SLC3A2: variants seen among roughly 807,000 people sequenced by gnomAD.
The protein encoded by SLC3A2 is solute carrier family 3 member 2, also known as amino acid transporter heavy chain SLC3A2.
Under a neutral mutation model 48.5 loss-of-function variants are expected in SLC3A2, and 32 were observed. That is an observed-to-expected ratio of 0.66 (90% CI 0.50 to 0.89). The LOEUF (loss-of-function observed/expected upper bound fraction) is 0.89, where lower values mean the gene tolerates loss of function less well. Among genes scored for constraint, SLC3A2 ranks in the 40% least tolerant of loss-of-function variants. SLC3A2 has a pLI of 0.00. For missense variants in SLC3A2, 587 were observed against 680.7 expected (o/e 0.86, Z 1.53); for synonymous variants, 277 against 288.8 (o/e 0.96, Z 0.41).
chr11:62,882,230 G>C, intron 2 of SLC3A2, 164 bp downstream of exon 2: 1 of 773,892 alleles, frequency 1.3e-6, no homozygotes, highest in East Asian at 2.7e-5. Context: ...TTGTCCAGTC[G>C]TCTGGGGGCT....
chr11:62,888,580 G>A lies in SLC3A2; in HGVS notation c.1477G>A (p.Asp493Asn), dbSNP rs574427142. The change falls in exon 9 of 9, where the codon GAC (aspartate) becomes AAC (asparagine). Residue 493 changes from aspartate to asparagine, a missense_variant. By Grantham distance (23) the Asp-to-Asn change is conservative. Coordinates refer to ENST00000338663, the MANE Select transcript of SLC3A2 (RefSeq NM_001013251.3). ...PASASLPAKA[D>N]LLLSTQPGRE... is the part of the protein sequence containing the mutation. ...CAGCGCCAGCCTGCCAGCCAAGGCTGACCTCCTGCTCAGCACCCAGCCAGG... is the reference window on the plus strand; with the variant it reads ...CAGCGCCAGCCTGCCAGCCAAGGCTAACCTCCTGCTCAGCACCCAGCCAGG... The A allele has an allele frequency of 1.4e-4, 223 of 1,613,750 alleles. 3 individuals are homozygous for A. In the South Asian group the frequency reaches 2.3e-3, roughly 17 times the overall value.
At chr11:62,858,465 C>T (rs1323016141) in intron 1 of SLC3A2, among the ~76,000 whole-genome samples, 1 of 152,146 alleles carries the variant, frequency 6.6e-6, no homozygotes, top group Non-Finnish European at 1.5e-5. Context: ...GCCTGTAATC[C>T]TAGCACCTTG....
intron 1 of SLC3A2, among the ~76,000 whole-genome samples, chr11:62,858,226 T>C (rs2085359648): frequency 6.6e-6 from 1 of 152,118 alleles, no homozygotes; most frequent in Non-Finnish European, 1.5e-5. Flanking sequence ...GGTCTCCAAC[T>C]CACGTACAGA....
chr11:62,866,072 A>G (rs2085449234), intron 1 of SLC3A2, among the ~76,000 whole-genome samples: 1 of 151,210 alleles, frequency 6.6e-6, no homozygotes, highest in Admixed American at 6.6e-5. Flanking sequence ...CTCACATAGT[A>G]CAGTATAGTA....
chr11:62,880,360 A>G (rs2085616344), upstream of SLC3A2: 1 of 152,320 alleles, frequency 6.6e-6, no homozygotes, highest in Non-Finnish European at 1.5e-5. Flanking sequence ...AGTGGGAGTA[A>G]GCCGTGCACG....
chr11:62,883,044 T>C (rs756071686), intron 3 of SLC3A2, 45 bp downstream of exon 3: 9 of 1,565,460 alleles, frequency 5.7e-6, no homozygotes, highest in Non-Finnish European at 7.9e-6. Flanking sequence ...ATGCTGGGGC[T>C]GGGACAGTCC....
chr11:62,862,391 T>TG (rs1476179990), intron 1 of SLC3A2, among the ~76,000 whole-genome samples: 1 of 138,438 alleles, frequency 7.2e-6, no homozygotes, highest in East Asian at 2.2e-4. Flanking sequence ...GGCTCACACC[T>TG]GTAATCCCAG....
At chr11:62,868,111 G>A (rs573993462) in intron 1 of SLC3A2, among the ~76,000 whole-genome samples, 24 of 151,374 alleles carry the variant, frequency 1.6e-4, no homozygotes, top group African/African-American at 5.1e-4. Flanking sequence ...TAGTAGAGAC[G>A]GGGTTTCACA....
rs946347091 is a variant in SLC3A2, at chr11:62,870,475, C to T, written c.113-10544C>T. Among the ~76,000 whole-genome samples the T allele has an allele frequency of 1.3e-4, 19 of 151,920 alleles. 2 individuals are homozygous for T. The highest frequency in any genetic ancestry group is 2.2e-4 in the African/African-American group (9 of 41,322). On this transcript the variant is annotated intron_variant, in intron 1 of 9. Transcript: ENST00000377889. The stretch of plus-strand genomic sequence containing the variant: ...CTGGGATTACAGGTGTGAGCCACCG[C>T]GCCTGGCCTATTTGATTACTTAGAA...
chr11:62,856,215 G>C, exon 1 of SLC3A2: 1 of 1,449,234 alleles, frequency 6.9e-7, no homozygotes, highest in Non-Finnish European at 9.6e-7. Context: ...CTCTAACCCT[G>C]TTCTGAGCTG....
intron 1 of SLC3A2, among the ~76,000 whole-genome samples, chr11:62,857,904 A>T (rs2134966427): frequency 6.6e-6 from 1 of 152,156 alleles, no homozygotes; most frequent in South Asian, 2.1e-4. Flanking sequence ...TTGGTGCTAG[A>T]AAAAGAAGGA....
chr11:62,870,852 A>ACT (rs202225713), intron 1 of SLC3A2: 3 of 110,616 alleles, frequency 2.7e-5, no homozygotes, highest in African/African-American at 1.7e-4. Flanking sequence ...TAATAATAAT[A>ACT]ATAATTATTA....
chr11:62,871,160 G>A (rs2085511657), intron 1 of SLC3A2, among the ~76,000 whole-genome samples: 1 of 151,370 alleles, frequency 6.6e-6, no homozygotes, highest in African/African-American at 2.4e-5. Context: ...GGGATTACAG[G>A]CGTGAGCCAT....
At position 62,880,962 on chromosome 11, in the gene SLC3A2, A is replaced by G; in HGVS notation, c.-62A>G. 6.6e-7 allele frequency: 1 copy of G among 1,508,004 alleles called. No homozygotes were observed. The highest frequency in any genetic ancestry group is 2.3e-5 in the East Asian group (1 of 43,326). 93.4% of individuals were successfully genotyped at this position (1,508,004 alleles called of 1,614,324 possible). The stretch of plus-strand genomic sequence containing the variant: ...GAGAGCGTTCTGGGTCCGAGGGTCC[A>G]GGTAGGGGTTGAGCCACCATCTGAC... On this transcript the variant is annotated 5_prime_UTR_variant, in exon 1 of 9. Transcript: ENST00000338663.
chr11:62,873,503 A>G (rs2957168), intron 1 of SLC3A2, among the ~76,000 whole-genome samples: 1 of 151,656 alleles, frequency 6.6e-6, no homozygotes, highest in South Asian at 2.1e-4. Flanking sequence ...AAAAAAAAAA[A>G]TTTTGTACAG....
Position 62,856,389 on chromosome 11 carries a change from A to T in SLC3A2, c.112+8A>T, listed in dbSNP as rs200103278. 463 of 1,598,820 alleles carry T rather than the reference A, an allele frequency of 2.9e-4. 1 individual carries two copies. In the African/African-American group the frequency reaches 5.3e-3, roughly 18 times the overall value. The stretch of plus-strand genomic sequence containing the variant: ...GCGCGGGGGACGACTCAGGTACTGG[A>T]TCCCGGGCTAAGCTCGGGAGGAGGT... On this transcript the variant is annotated splice_region_variant and intron_variant, in intron 1 of 9. Transcript: ENST00000377889.
In SLC3A2 at chr11:62,881,705, A is replaced by G; in HGVS notation, c.425-188A>G. 2 of 834,482 alleles carry G rather than the reference A, an allele frequency of 2.4e-6. No individual in the cohort carries two copies. Among genetic ancestry groups the G allele is most frequent in the South Asian group, 1.9e-5 (1 of 54,028 alleles). 51.7% of individuals were successfully genotyped at this position (834,482 alleles called of 1,614,324 possible). A position where few individuals can be genotyped will look rare whatever the true frequency, so the allele number is the denominator to read the frequency against. ...CCCCGCGGCGCCAGAAGCCAGTTGC[A>G]ACCGGTTTCTGAAGTAATGTGCAGG... On this transcript the variant is annotated intron_variant, in intron 1 of 8. Coordinates refer to ENST00000338663, the MANE Select transcript of SLC3A2 (RefSeq NM_001013251.3). The surrounding 1 kb of genome is among the most constrained non-coding windows in gnomAD (Gnocchi z 4.0).
chr11:62,881,786 C>T lies in SLC3A2; in HGVS notation c.425-107C>T. The T allele has an allele frequency of 1.6e-6, 2 of 1,289,860 alleles. No individual in the cohort carries two copies. Among genetic ancestry groups the T allele is most frequent in the South Asian group, 1.4e-5 (1 of 72,244 alleles). 79.9% of individuals were successfully genotyped at this position (1,289,860 alleles called of 1,614,324 possible). The stretch of plus-strand genomic sequence containing the variant: ...GATTCAGCCTTGCCTCCCTCTCTCC[C>T]CCTTTGCCCCCTCCCCGTCCCACCC... On this transcript the variant is annotated intron_variant, in intron 1 of 8. Transcript: ENST00000338663. The surrounding 1 kb of genome is among the most constrained non-coding windows in gnomAD (Gnocchi z 4.0).
chr11:62,878,164 A>T (rs1368125403), upstream of SLC3A2, among the ~76,000 whole-genome samples: 2 of 152,000 alleles, frequency 1.3e-5, no homozygotes, highest in Non-Finnish European at 2.9e-5. Context: ...GTCTCAAAAA[A>T]AAAAAAACAA....
Sources: gnomAD v4.1 joint callset for allele counts (sites outside exome capture counted in the v4.1 genomes callset) on GRCh38, gnomAD v4.1.1 for gene constraint, Gnocchi (gnomAD v3.1) non-coding constraint, MANE v1.5 for transcripts, NCBI Gene and HGNC (gene_info 2026-07-23, HGNC 2026-07-21) for gene names.